The following HECTD4 variants were observed in gnomAD, a reference collection of about 807,000 sequenced individuals.
HECTD4 encodes the protein HECT domain E3 ubiquitin protein ligase 4.
Under a neutral mutation model 471.5 loss-of-function variants are expected in HECTD4, and 114 were observed. The ratio of observed to expected loss-of-function variants is 0.24; its 90% CI spans 0.21 to 0.28. The LOEUF is 0.28. Ranked by LOEUF, HECTD4 falls within the 10% of genes least tolerant of loss-of-function variation. HECTD4 has a pLI of 1.00. For synonymous variants in HECTD4, 2,012 were observed against 2,256.0 expected, an observed-to-expected ratio of 0.89 and a Z score of 3.07; for missense variants, 3,866 against 5,651.5, an observed-to-expected ratio of 0.68 and a Z score of 10.13.
Position 112,235,338 on chromosome 12 carries a change from T to C in HECTD4, c.5726-72A>G. On this transcript the variant is annotated intron_variant, in intron 36 of 75. Coordinates refer to ENST00000682272, the MANE Select transcript of HECTD4 (RefSeq NM_001388303.1). The surrounding 1 kb of genome is among the most constrained non-coding windows in gnomAD (Gnocchi z 5.0). ...TTGGCGGCTCTGCTAAAATGAAAAA[T>C]AATGGTTTGGGATTTGGAATCTTTC... The C allele has an allele frequency of 6.5e-7, 1 of 1,530,720 alleles. No individual in the cohort carries two copies. The highest frequency in any genetic ancestry group is 8.8e-7 in the Non-Finnish European group (1 of 1,131,990). The allele number at this position is 1,530,720 out of a possible 1,614,324, so 94.8% of individuals were successfully genotyped here.
Position 112,166,450 on chromosome 12 carries a change from C to T in HECTD4, c.12534+867G>A, listed in dbSNP as rs1421919093. 1 of 152,264 alleles carries T rather than the reference C, an allele frequency of 6.6e-6. No homozygotes were observed. The allele number at this position is 152,264 out of a possible 1,614,324, so 9.4% of individuals were successfully genotyped here. On this transcript the variant is annotated intron_variant, in intron 72 of 75. Coordinates refer to ENST00000682272, the MANE Select transcript of HECTD4 (RefSeq NM_001388303.1). This position sits in a 1 kb window ranked among gnomAD's most constrained non-coding sequence, Gnocchi z 4.6. Reference sequence around the variant, plus strand: ...GGAGAGAGCAGCTTCTGCCGGGCCTCAGGCACGACGTCCACTCTCGTGGCC... The same window carrying T: ...GGAGAGAGCAGCTTCTGCCGGGCCTTAGGCACGACGTCCACTCTCGTGGCC...
rs771896168 is a variant in HECTD4, at chr12:112,179,408, G to T, written c.10988-11C>A. 1.2e-6 allele frequency: 2 copies of T among 1,601,366 alleles called. No homozygotes were observed. The highest frequency in any genetic ancestry group is 2.2e-5 in the South Asian group (2 of 88,976). On this transcript the variant is annotated splice_polypyrimidine_tract_variant and intron_variant, in intron 62 of 75. Transcript: ENST00000682272. The surrounding 1 kb of genome is among the most constrained non-coding windows in gnomAD (Gnocchi z 4.3). ...GCACCAGCTTCTCCCCTGTTGGATGGAGAGGGGGCAAAACAATTCTGCCGT... is the reference window on the plus strand; with the variant it reads ...GCACCAGCTTCTCCCCTGTTGGATGTAGAGGGGGCAAAACAATTCTGCCGT...
chr12:112,190,983 G>A lies in HECTD4; in HGVS notation c.9293-18C>T. 6.5e-7 allele frequency: 1 copy of A among 1,536,934 alleles called. No homozygotes were observed. The highest frequency in any genetic ancestry group is 8.8e-7 in the Non-Finnish European group (1 of 1,138,646). On this transcript the variant is annotated intron_variant, in intron 59 of 75. Transcript: ENST00000682272. ...AGACACCCCTGCAAGAAGCACCCAG[G>A]AAGAAAGCAGATGATTGGCAGCACC...
intron 1 of HECTD4, among the ~76,000 whole-genome samples, chr12:112,354,581 G>C (rs1566121969): frequency 6.6e-6 from 1 of 152,160 alleles, no homozygotes. Context: ...AGCTGCTTGA[G>C]AGGCTGAGGG....
rs888970943 is a variant in HECTD4, at chr12:112,381,852, G to C, written c.177+100C>G. On this transcript the variant is annotated intron_variant, in intron 1 of 75. Coordinates refer to ENST00000682272, the MANE Select transcript of HECTD4 (RefSeq NM_001388303.1). This position sits in a 1 kb window ranked among gnomAD's most constrained non-coding sequence, Gnocchi z 4.1. ...ACACACACCTGCCCCGGCAGCCGCC[G>C]GGAGGCGAGGCCGCGGCTGAGGCGA... The C allele has an allele frequency of 4.6e-6, 4 of 871,940 alleles. No homozygotes were observed. Among genetic ancestry groups the C allele is most frequent in the Non-Finnish European group, 6.0e-6 (4 of 666,566 alleles). 54.0% of individuals were successfully genotyped at this position (871,940 alleles called of 1,614,324 possible).
At chr12:112,199,179 C>T (rs1490264356) in intron 55 of HECTD4, among the ~76,000 whole-genome samples, 2 of 152,098 alleles carry the variant, frequency 1.3e-5, no homozygotes, top group Non-Finnish European at 2.9e-5. Flanking sequence ...CAGGGAATAG[C>T]CCCTGAACTT....
intron 6 of HECTD4, among the ~76,000 whole-genome samples, chr12:112,307,642 C>G (rs7979583): frequency 6.6e-6 from 1 of 152,304 alleles, no homozygotes; most frequent in African/African-American, 2.4e-5. Context: ...TTATTGAGCA[C>G]CTACTATGTG....
At chr12:112,307,046 A>G (rs1004349197) in intron 6 of HECTD4, among the ~76,000 whole-genome samples, 1 of 152,190 alleles carries the variant, frequency 6.6e-6, no homozygotes, top group African/African-American at 2.4e-5. Flanking sequence ...TAGAACCACA[A>G]AAACCTGCTG....
chr12:112,263,326 G>A (rs1334243258), intron 17 of HECTD4, among the ~76,000 whole-genome samples: 1 of 152,168 alleles, frequency 6.6e-6, no homozygotes, highest in East Asian at 1.9e-4. Flanking sequence ...ATCTTTAACT[G>A]TGGCTTCCTT....
Position 112,275,971 on chromosome 12 carries a change from C to T in HECTD4, c.1688-1011G>A, listed in dbSNP as rs567524142. 2.0e-5 allele frequency among the ~76,000 whole-genome samples: 3 copies of T among 152,276 alleles called. No homozygotes were observed. In the South Asian group the frequency reaches 6.2e-4, roughly 32 times the overall value. On this transcript the variant is annotated intron_variant, in intron 9 of 75. Coordinates refer to ENST00000682272, the MANE Select transcript of HECTD4 (RefSeq NM_001388303.1). ...AACCTCATGAAGTCTCTCCTTTCTA[C>T]CCCACTCCACAATGAGCCTTTCTTT...
In HECTD4 at chr12:112,169,440, G is replaced by A. The variant is rs527620719; in HGVS notation, c.12208+63C>T. 1.6e-4 allele frequency: 246 copies of A among 1,494,250 alleles called. 4 individuals carry two copies. The Admixed American group carries it at 5.2e-3, about 32-fold the overall frequency. 92.6% of individuals were successfully genotyped at this position (1,494,250 alleles called of 1,614,324 possible). ...TTGGAAATGGAGGTCTTGGGCAGCT[G>A]GGGCTAAGGCTGGACACTAAACACA... On this transcript the variant is annotated intron_variant, in intron 70 of 75. Transcript: ENST00000682272.
At position 112,252,509 on chromosome 12, in the gene HECTD4, G is replaced by T; in HGVS notation, c.3467C>A (p.Thr1156Asn). Residue 1156 changes from threonine to asparagine, a missense_variant, in exon 23 of 76, where the codon ACC becomes AAC. This residue lies in a region of HECTD4 where 281 missense variants were observed against 499.9 expected (regional missense o/e 0.56). Coordinates refer to ENST00000682272, the MANE Select transcript of HECTD4 (RefSeq NM_001388303.1). Reference sequence around the variant, plus strand: ...GCCACTTCTCATTTCAAAGGAGAAGGTGACTGTATCTCCTTCCACCTTAAA... The same window carrying T: ...GCCACTTCTCATTTCAAAGGAGAAGTTGACTGTATCTCCTTCCACCTTAAA... ...DLVKVEGDTV[T>N]FSFEMRSGRE... The T allele has an allele frequency of 6.2e-7, 1 of 1,611,250 alleles. No individual in the cohort carries two copies. Among genetic ancestry groups the T allele is most frequent in the Non-Finnish European group, 8.5e-7 (1 of 1,177,944 alleles).
chr12:112,243,246 G>A lies in HECTD4; in HGVS notation c.4958+107C>T. 2 of 991,806 alleles carry A rather than the reference G, an allele frequency of 2.0e-6. No homozygotes were observed. The allele number at this position is 991,806 out of a possible 1,614,324, so 61.4% of individuals were successfully genotyped here. On this transcript the variant is annotated intron_variant, in intron 32 of 75. Transcript: ENST00000682272. The surrounding 1 kb of genome is among the most constrained non-coding windows in gnomAD (Gnocchi z 6.6). ...CCACTTTTATATAAATATTTTAGAG[G>A]AAAACATTAGCAAATACTACCGCCT...
chr12:112,167,175 G>A (rs1457282285), intron 72 of HECTD4, 142 bp downstream of exon 72: 2 of 650,094 alleles, frequency 3.1e-6, no homozygotes, highest in African/African-American at 3.7e-5. Context: ...AAGCCTTCCT[G>A]GCACATGGCT....
chr12:112,224,433 A>AT (rs2033177138), intron 44 of HECTD4, among the ~76,000 whole-genome samples: 3 of 151,786 alleles, frequency 2.0e-5, no homozygotes, highest in African/African-American at 7.2e-5. Flanking sequence ...CGCCTGGCTA[A>AT]TTTTTTGTAT....
intron 1 of HECTD4, among the ~76,000 whole-genome samples, chr12:112,339,384 C>G (rs1264387750): frequency 6.6e-6 from 1 of 150,920 alleles, no homozygotes; most frequent in Non-Finnish European, 1.5e-5. Flanking sequence ...ACACACAAAA[C>G]TAAAATAAGC....
intron 1 of HECTD4, among the ~76,000 whole-genome samples, chr12:112,354,207 C>T (rs574528797): frequency 6.6e-6 from 1 of 152,168 alleles, no homozygotes; most frequent in Non-Finnish European, 1.5e-5. Flanking sequence ...TGAGTAGGCA[C>T]GTACTACCGT....
intron 15 of HECTD4, 26 bp from the exon 16 acceptor site, chr12:112,265,321 A>C: frequency 1.4e-6 from 2 of 1,424,324 alleles, no homozygotes; most frequent in Non-Finnish European, 1.9e-6. Flanking sequence ...AAAATGTAAC[A>C]ATAAAATATT....
At chr12:112,293,909 G>A (rs2034950742) in intron 7 of HECTD4, among the ~76,000 whole-genome samples, 1 of 151,748 alleles carries the variant, frequency 6.6e-6, no homozygotes, top group South Asian at 2.1e-4. Context: ...TTCTTTTTTT[G>A]TGGGCGGGGA....
Sources: gnomAD v4.1 joint callset for allele counts (sites outside exome capture counted in the v4.1 genomes callset) on GRCh38, gnomAD v4.1.1 for gene constraint, gnomAD v4.1.1 regional missense constraint, Gnocchi (gnomAD v3.1) non-coding constraint, MANE v1.5 for transcripts, NCBI Gene and HGNC (gene_info 2026-07-23, HGNC 2026-07-21) for gene names.